KCND2: variants seen among roughly 807,000 people sequenced by gnomAD.
KCND2 encodes the protein potassium voltage-gated channel subfamily D member 2.
KCND2 carries 16 observed loss-of-function variants against 54.4 expected under a neutral mutation model. The observed-to-expected ratio is 0.29, with a 90% CI of 0.20 to 0.45. KCND2 has a LOEUF of 0.45. Among genes scored for constraint, KCND2 ranks in the 20% least tolerant of loss-of-function variants. KCND2 has a pLI of 1.00. For synonymous variants in KCND2, 317 were observed against 310.7 expected (o/e 1.02, Z -0.21); for missense variants, 486 against 824.2 (o/e 0.59, Z 5.02).
chr7:120,431,860 C>T (rs536063622), intron 1 of KCND2, among the ~76,000 whole-genome samples: 28 of 152,180 alleles, frequency 1.8e-4, no homozygotes, highest in African/African-American at 3.1e-4. Flanking sequence ...CACATTTGCA[C>T]GCACACACAT....
intron 1 of KCND2, among the ~76,000 whole-genome samples, chr7:120,622,915 A>C (rs925504912): frequency 7.9e-5 from 12 of 152,152 alleles, no homozygotes; most frequent in African/African-American, 2.9e-4. Flanking sequence ...ATTTCGTAGG[A>C]GAATCAAAGA....
intron 1 of KCND2, among the ~76,000 whole-genome samples, chr7:120,472,187 T>G (rs1802464759): frequency 6.6e-6 from 1 of 151,882 alleles, no homozygotes; most frequent in East Asian, 2.0e-4. Context: ...TTCCTGAATC[T>G]TGTTTTTTTC....
chr7:120,454,498 A>T (rs897885557), intron 1 of KCND2, among the ~76,000 whole-genome samples: 3 of 152,216 alleles, frequency 2.0e-5, no homozygotes, highest in African/African-American at 7.2e-5. Context: ...TCAAGATTCA[A>T]CCAGGAACAA....
At chr7:120,401,151 A>G (rs189993484) in intron 1 of KCND2, among the ~76,000 whole-genome samples, 2 of 152,156 alleles carry the variant, frequency 1.3e-5, no homozygotes, top group East Asian at 1.9e-4. Flanking sequence ...TCACTATCCC[A>G]TGGTTCAAAC....
At chr7:120,456,229 G>C (rs1388804652) in intron 1 of KCND2, among the ~76,000 whole-genome samples, 1 of 152,060 alleles carries the variant, frequency 6.6e-6, no homozygotes, top group African/African-American at 2.4e-5. Flanking sequence ...AAGATGATTG[G>C]TCTAATGAAA....
At chr7:120,688,030 T>C (rs146144192) in intron 1 of KCND2, among the ~76,000 whole-genome samples, 2 of 152,296 alleles carry the variant, frequency 1.3e-5, no homozygotes, top group East Asian at 3.9e-4. Context: ...GTGGACACAT[T>C]CTTGAGTCTC....
chr7:120,292,700 C>A (rs949242820), intron 1 of KCND2, among the ~76,000 whole-genome samples: 1 of 151,854 alleles, frequency 6.6e-6, no homozygotes, highest in African/African-American at 2.4e-5. Flanking sequence ...GAAATGTACA[C>A]CTTCTACATT....
At chr7:120,621,621 C>T (rs553761730) in intron 1 of KCND2, among the ~76,000 whole-genome samples, 2 of 152,108 alleles carry the variant, frequency 1.3e-5, no homozygotes, top group Non-Finnish European at 2.9e-5. Context: ...TTTTAAATAA[C>T]CTAGTCATGA....
intron 1 of KCND2, among the ~76,000 whole-genome samples, chr7:120,625,052 T>A (rs1291122764): frequency 6.6e-6 from 1 of 152,194 alleles, no homozygotes; most frequent in Non-Finnish European, 1.5e-5. Context: ...ATTATGTGAT[T>A]CATTGCCGAA....
At chr7:120,459,155 A>C (rs1401539384) in intron 1 of KCND2, among the ~76,000 whole-genome samples, 1 of 152,058 alleles carries the variant, frequency 6.6e-6, no homozygotes, top group Non-Finnish European at 1.5e-5. Context: ...AGGCACTACA[A>C]AATCTGGCCT....
At chr7:120,646,265 G>A (rs1355773527) in intron 1 of KCND2, among the ~76,000 whole-genome samples, 1 of 152,136 alleles carries the variant, frequency 6.6e-6, no homozygotes, top group Non-Finnish European at 1.5e-5. Context: ...CAACATTGCT[G>A]TGGCATTAAC....
chr7:120,678,043 A>G (rs1027932017), intron 1 of KCND2, among the ~76,000 whole-genome samples: 1 of 151,962 alleles, frequency 6.6e-6, no homozygotes, highest in Non-Finnish European at 1.5e-5. Flanking sequence ...AGTGGAATAG[A>G]TGGCTTTTAT....
At chr7:120,368,216 T>C (rs1800714519) in intron 1 of KCND2, among the ~76,000 whole-genome samples, 1 of 152,130 alleles carries the variant, frequency 6.6e-6, no homozygotes, top group Admixed American at 6.6e-5. Context: ...TTTATATTAC[T>C]CTTCAGATTC....
At chr7:120,323,544 T>A (rs1434508221) in intron 1 of KCND2, among the ~76,000 whole-genome samples, 1 of 150,460 alleles carries the variant, frequency 6.6e-6, no homozygotes, top group African/African-American at 2.5e-5. Flanking sequence ...TGAGAATATG[T>A]GGTGTTTGGT....
At chr7:120,488,149 T>G (rs2116293916) in intron 1 of KCND2, among the ~76,000 whole-genome samples, 1 of 152,198 alleles carries the variant, frequency 6.6e-6, no homozygotes, top group African/African-American at 2.4e-5. Flanking sequence ...GAGCTGAGAT[T>G]GCACCACTGT....
chr7:120,528,444 C>G (rs558976666), intron 1 of KCND2, among the ~76,000 whole-genome samples: 1 of 152,110 alleles, frequency 6.6e-6, no homozygotes, highest in East Asian at 1.9e-4. Context: ...TTAAATCAAT[C>G]CACTTAAAGG....
Position 120,315,661 on chromosome 7 carries a change from C to T in KCND2, c.1115+39914C>T, listed in dbSNP as rs573915658. The stretch of plus-strand genomic sequence containing the variant: ...GAAAGTCAGTCACTTGAAATAGTTC[C>T]CCTCTATCAGCATACTGTAAATTTC... On this transcript the variant is annotated intron_variant, in intron 1 of 5. Transcript: ENST00000331113. Among the ~76,000 whole-genome samples the T allele has an allele frequency of 1.4e-3, 217 of 152,032 alleles. 2 individuals carry two copies. Among genetic ancestry groups the T allele is most frequent in the South Asian group, 2.7e-3 (13 of 4,820 alleles).
chr7:120,274,718 C>T lies in KCND2; in HGVS notation c.86C>T (p.Ala29Val). 2.5e-6 allele frequency: 4 copies of T among 1,613,876 alleles called. No individual in the cohort carries two copies. The highest frequency in any genetic ancestry group is 3.4e-6 in the Non-Finnish European group (4 of 1,179,936). Residue 29 changes from alanine to valine, a missense_variant, in exon 1 of 6, where the codon GCT (alanine) becomes GTT (valine). Transcript: ENST00000331113. Reference sequence around the variant, plus strand: ...CCTGTGGCCTCGGGGCCTATGCCGGCTCCCCCGAGGCAGGAGAGGAAAAGG... The same window carrying T: ...CCTGTGGCCTCGGGGCCTATGCCGGTTCCCCCGAGGCAGGAGAGGAAAAGG... ...WMPVASGPMP[A>V]PPRQERKRTQ...
At chr7:120,604,221 G>T (rs978585162) in intron 1 of KCND2, among the ~76,000 whole-genome samples, 2 of 151,906 alleles carry the variant, frequency 1.3e-5, no homozygotes, top group Non-Finnish European at 2.9e-5. Flanking sequence ...TTAAACTAAG[G>T]CTGGGCACGG....
Sources: gnomAD v4.1 joint callset for allele counts (sites outside exome capture counted in the v4.1 genomes callset) on GRCh38, gnomAD v4.1.1 for gene constraint, MANE v1.5 for transcripts, NCBI Gene and HGNC (gene_info 2026-07-23, HGNC 2026-07-21) for gene names.